RPGRIP1L: variants seen among roughly 807,000 people sequenced by gnomAD.
RPGRIP1L encodes the protein RPGRIP1 like.
A neutral mutation model predicts 160.4 loss-of-function variants in RPGRIP1L; 131 were observed. The observed-to-expected ratio is 0.82, with a 90% CI of 0.71 to 0.94. The LOEUF (loss-of-function observed/expected upper bound fraction) is 0.94. Among genes scored for constraint, RPGRIP1L ranks in the 40% least tolerant of loss-of-function variants. RPGRIP1L has a pLI of 0.00. For synonymous variants in RPGRIP1L, 510 were observed against 515.8 expected, an observed-to-expected ratio of 0.99 and a Z score of 0.15; for missense variants, 1,522 against 1,535.8, an observed-to-expected ratio of 0.99 and a Z score of 0.15.
intron 4 of RPGRIP1L, among the ~76,000 whole-genome samples, chr16:53,691,108 C>T (rs1399446726): frequency 2.7e-5 from 4 of 149,334 alleles, no homozygotes; most frequent in East Asian, 2.0e-4. Context: ...AGTGGTTTTT[C>T]GTTTTTTTTT....
chr16:53,643,987 T>C (rs1219385535), intron 17 of RPGRIP1L, among the ~76,000 whole-genome samples: 2 of 152,088 alleles, frequency 1.3e-5, no homozygotes, highest in African/African-American at 4.8e-5. Context: ...TTTAAATAAT[T>C]AAAAGGAAAG....
intron 22 of RPGRIP1L, among the ~76,000 whole-genome samples, chr16:53,624,738 A>G (rs56989167): frequency 0.011 from 1,631 of 152,018 alleles, 18 homozygotes; most frequent in Middle Eastern, 0.068. Context: ...TTTCATCATA[A>G]GAAAATGGGA....
At position 53,652,594 on chromosome 16, in the gene RPGRIP1L, A is replaced by C. The variant is rs201081228; in HGVS notation, c.2093T>G (p.Leu698Ter). The C allele has an allele frequency of 1.9e-6, 3 of 1,614,150 alleles. No homozygotes were observed. Among genetic ancestry groups the C allele is most frequent in the Non-Finnish European group, 2.5e-6 (3 of 1,180,002 alleles). The change falls in exon 15 of 27, where the codon TTA becomes TGA. Residue 698 changes from leucine to a stop codon, truncating the protein, a stop_gained. Coordinates refer to ENST00000647211, the MANE Select transcript of RPGRIP1L (RefSeq NM_015272.5). LOFTEE classifies it high-confidence loss of function. ...TEYETIAACQ[L>*]KFHEILEKSG... The stretch of plus-strand genomic sequence containing the variant: ...TTTTTCAAGAATTTCGTGAAATTTT[A>C]ATTGACATGCTGCAATTGTTTCATA...
At chr16:53,673,171 C>T (rs1432783799) in intron 7 of RPGRIP1L, among the ~76,000 whole-genome samples, 155 bp from the exon 8 acceptor site, 3 of 152,130 alleles carry the variant, frequency 2.0e-5, no homozygotes, top group East Asian at 1.9e-4. Context: ...ATGATGTATA[C>T]GTGCTACTTA....
chr16:53,658,974 G>T, intron 10 of RPGRIP1L, 96 bp from the exon 11 acceptor site: 1 of 854,252 alleles, frequency 1.2e-6, no homozygotes, highest in Non-Finnish European at 1.9e-6. Flanking sequence ...CACCAGTCTT[G>T]ATCTAGTATT....
At chr16:53,668,299 G>A (rs1968446724) in intron 9 of RPGRIP1L, among the ~76,000 whole-genome samples, 1 of 152,232 alleles carries the variant, frequency 6.6e-6, no homozygotes, top group African/African-American at 2.4e-5. Flanking sequence ...GCATCTATGG[G>A]TGTCAGTAGT....
chr16:53,671,633 T>C, intron 8 of RPGRIP1L, 50 bp from the exon 9 acceptor site: 1 of 945,248 alleles, frequency 1.1e-6, no homozygotes. Flanking sequence ...ATAAAACCAC[T>C]TGGGGGTAAA....
intron 19 of RPGRIP1L, among the ~76,000 whole-genome samples, chr16:53,639,717 T>A (rs1041098940): frequency 3.9e-5 from 6 of 152,310 alleles, no homozygotes; most frequent in Admixed American, 3.9e-4. Flanking sequence ...ACGGGAATAA[T>A]TCTAGTATCA....
chr16:53,604,174 T>C (rs192076050), intron 26 of RPGRIP1L, among the ~76,000 whole-genome samples: 6 of 152,344 alleles, frequency 3.9e-5, no homozygotes, highest in South Asian at 2.1e-4. Context: ...TAGAAATGTA[T>C]AGTTTATAAA....
intron 15 of RPGRIP1L, among the ~76,000 whole-genome samples, chr16:53,651,637 C>A (rs776496890): frequency 5.3e-5 from 8 of 152,132 alleles, no homozygotes; most frequent in Non-Finnish European, 1.2e-4. Flanking sequence ...TGGATCCTGG[C>A]ATGGATCTTC....
At chr16:53,685,160 A>G (rs1598398670) in intron 6 of RPGRIP1L, among the ~76,000 whole-genome samples, 1 of 152,184 alleles carries the variant, frequency 6.6e-6, no homozygotes. Flanking sequence ...CAAAACCACA[A>G]TGAGATACCA....
chr16:53,624,353 C>T (rs1264460470), intron 22 of RPGRIP1L, among the ~76,000 whole-genome samples: 1 of 152,030 alleles, frequency 6.6e-6, no homozygotes, highest in South Asian at 2.1e-4. Context: ...GAGATCGAGA[C>T]CATCCTGGCT....
At chr16:53,649,285 G>C (rs1434917284) in intron 15 of RPGRIP1L, among the ~76,000 whole-genome samples, 170 bp from the exon 16 acceptor site, 1 of 152,016 alleles carries the variant, frequency 6.6e-6, no homozygotes, top group East Asian at 1.9e-4. Context: ...GAAGAAAATA[G>C]TTACTTCTGA....
At chr16:53,688,039 G>A in intron 4 of RPGRIP1L, 74 bp from the exon 5 acceptor site, 2 of 898,744 alleles carry the variant, frequency 2.2e-6, no homozygotes, top group South Asian at 1.4e-5. Flanking sequence ...GCTATAATAA[G>A]GATATTTATA....
rs576414226 is a variant in RPGRIP1L, at chr16:53,692,089, C to T, written c.506G>A (p.Gly169Asp). 1 of 1,614,030 alleles carries T rather than the reference C, an allele frequency of 6.2e-7. No homozygotes were observed. Among genetic ancestry groups the T allele is most frequent in the African/African-American group, 1.3e-5 (1 of 74,996 alleles). The part of the protein sequence containing the change: ...TGRRKANENA[G>D]LQECPRKGIK... ...ACCTTTCCTGGGGCATTCCTGTAAA[C>T]CAGCATTTTCATTTGCTTTTCTACG... is the stretch of plus-strand genomic sequence containing the variant. Residue 169 changes from glycine (G) to aspartate (D), a missense_variant, in exon 4 of 27, where the codon GGT (glycine) becomes GAT (aspartate). Coordinates refer to ENST00000647211, the MANE Select transcript of RPGRIP1L (RefSeq NM_015272.5).
At chr16:53,668,933 A>G (rs1202824814) in intron 9 of RPGRIP1L, among the ~76,000 whole-genome samples, 1 of 152,220 alleles carries the variant, frequency 6.6e-6, no homozygotes, top group East Asian at 1.9e-4. Flanking sequence ...AATATGTCAT[A>G]TGTCAAGTAA....
At chr16:53,609,798 C>T (rs1458604059) in intron 25 of RPGRIP1L, among the ~76,000 whole-genome samples, 2 of 152,028 alleles carry the variant, frequency 1.3e-5, no homozygotes, top group Admixed American at 1.3e-4. Context: ...TGAGTGATTA[C>T]CATCCTGGGA....
chr16:53,602,397 T>C (rs572279257), intron 26 of RPGRIP1L, among the ~76,000 whole-genome samples: 2 of 152,214 alleles, frequency 1.3e-5, no homozygotes, highest in East Asian at 3.9e-4. Context: ...GTACATATTG[T>C]TTGTGGAGCT....
chr16:53,652,435 C>T lies in RPGRIP1L; in HGVS notation c.2152+100G>A, dbSNP rs573487140. On this transcript the variant is annotated intron_variant, in intron 15 of 26. Transcript: ENST00000647211. ...AAGAATGTTGTCCTTGCTCTAAAGG[C>T]ACCTTTAATATACAAGAAAAGATAG... The T allele has an allele frequency of 9.0e-5, 83 of 922,494 alleles. No homozygotes were observed. In the African/African-American group the frequency reaches 1.3e-3, roughly 14 times the overall value. The allele number at this position is 922,494 out of a possible 1,614,324, so 57.1% of individuals were successfully genotyped here.
Sources: gnomAD v4.1 joint callset for allele counts (sites outside exome capture counted in the v4.1 genomes callset) on GRCh38, gnomAD v4.1.1 for gene constraint, MANE v1.5 for transcripts, NCBI Gene and HGNC (gene_info 2026-07-23, HGNC 2026-07-21) for gene names.